LOC400499: variants seen among roughly 807,000 people sequenced by gnomAD.
the LOC400499 span, among the ~76,000 whole-genome samples, chr16:11,422,649 C>A: frequency 6.6e-6 from 1 of 152,090 alleles, no homozygotes; most frequent in African/African-American, 2.4e-5. Flanking sequence ...CATGTCAGGC[C>A]CCGTCTCAAA....
chr16:11,388,917 T>G, the LOC400499 span, among the ~76,000 whole-genome samples: 1 of 152,088 alleles, frequency 6.6e-6, no homozygotes, highest in Non-Finnish European at 1.5e-5. Flanking sequence ...TGAAACCCCG[T>G]CTCTACTAAA....
chr16:11,439,605 G>A, the LOC400499 span: 8 of 399,018 alleles, frequency 2.0e-5, no homozygotes, highest in Admixed American at 2.2e-4. Flanking sequence ...AGTTGAAGAG[G>A]GGTCAGAGGG....
At chr16:11,518,239 G>C in the LOC400499 span, among the ~76,000 whole-genome samples, 16 of 152,332 alleles carry the variant, frequency 1.1e-4, 1 homozygote, top group African/African-American at 3.8e-4. Flanking sequence ...CCTAGACAAA[G>C]GCTTTCTTTC....
At chr16:11,461,218 T>C in the LOC400499 span, 8 of 1,402,378 alleles carry the variant, frequency 5.7e-6, no homozygotes, top group Admixed American at 2.7e-5. Context: ...CCGAGGGGCC[T>C]TGGGGTTGGG....
At chr16:11,393,507 G>A in the LOC400499 span, 8 of 1,232,212 alleles carry the variant, frequency 6.5e-6, no homozygotes, top group Admixed American at 4.2e-5. Flanking sequence ...TTGAGAAGTC[G>A]AGGTGGAGAC....
chr16:11,424,920 G>A, the LOC400499 span, among the ~76,000 whole-genome samples: 4 of 152,196 alleles, frequency 2.6e-5, no homozygotes, highest in African/African-American at 9.6e-5. Context: ...TGTCAATACG[G>A]TAACAACTGG....
At chr16:11,481,781 C>T in the LOC400499 span, among the ~76,000 whole-genome samples, 10 of 152,044 alleles carry the variant, frequency 6.6e-5, no homozygotes, top group African/African-American at 2.2e-4. Flanking sequence ...TACAGGTGCA[C>T]ACCACCATGC....
At chr16:11,396,550 G>T in the LOC400499 span, 9 of 1,232,098 alleles carry the variant, frequency 7.3e-6, no homozygotes, top group Admixed American at 4.2e-5. Context: ...GAGGCCTGCT[G>T]TGGTTTTGGA....
the LOC400499 span, among the ~76,000 whole-genome samples, chr16:11,414,844 C>T: frequency 6.6e-6 from 1 of 152,232 alleles, no homozygotes; most frequent in Non-Finnish European, 1.5e-5. Context: ...CATCCTCCAT[C>T]CCATCTCCCT....
chr16:11,452,040 T>C, the LOC400499 span, among the ~76,000 whole-genome samples: 10 of 152,146 alleles, frequency 6.6e-5, no homozygotes. Context: ...CCCACCTATG[T>C]ATAGCGCCTC....
chr16:11,520,020 A>G, the LOC400499 span, among the ~76,000 whole-genome samples: 114 of 152,234 alleles, frequency 7.5e-4, 1 homozygote, highest in African/African-American at 2.7e-3. Context: ...GTCCACTTAT[A>G]TGAGGTACCT....
chr16:11,450,716 T>C, the LOC400499 span: 4 of 1,536,160 alleles, frequency 2.6e-6, no homozygotes, highest in Non-Finnish European at 3.5e-6. Flanking sequence ...GTCCAGGCCT[T>C]GCCCAGCGTT....
chr16:11,520,393 A>C, the LOC400499 span, among the ~76,000 whole-genome samples: 1 of 152,240 alleles, frequency 6.6e-6, no homozygotes, highest in Non-Finnish European at 1.5e-5. Context: ...ATAGTGGCTC[A>C]CGCCTGTAAT....
At chr16:11,503,366 G>C in the LOC400499 span, among the ~76,000 whole-genome samples, 4 of 152,164 alleles carry the variant, frequency 2.6e-5, no homozygotes, top group African/African-American at 9.7e-5. Flanking sequence ...GAGATGTTTA[G>C]TTTGGAAAAC....
the LOC400499 span, among the ~76,000 whole-genome samples, chr16:11,513,643 C>T: frequency 1.3e-5 from 2 of 151,940 alleles, no homozygotes; most frequent in Non-Finnish European, 2.9e-5. Flanking sequence ...GTTGGCCAGG[C>T]TGGTCTCGAA....
chr16:11,496,648 A>G, the LOC400499 span, among the ~76,000 whole-genome samples: 1 of 151,970 alleles, frequency 6.6e-6, no homozygotes, highest in African/African-American at 2.4e-5. Context: ...GGATGTGTGC[A>G]TGTGCCCATG....
the LOC400499 span, chr16:11,372,072 C>G: frequency 1.3e-5 from 2 of 152,318 alleles, no homozygotes; most frequent in Middle Eastern, 3.4e-3. Flanking sequence ...GTTACATTCC[C>G]AAAAGAAAGT....
chr16:11,462,378 C>G, the LOC400499 span: 1 of 1,396,416 alleles, frequency 7.2e-7, no homozygotes. Context: ...GAACTGGGAC[C>G]AGACAGGGCA....
At chr16:11,442,934 G>A in the LOC400499 span, among the ~76,000 whole-genome samples, 671 of 152,186 alleles carry the variant, frequency 4.4e-3, 4 homozygotes, top group African/African-American at 0.016. Flanking sequence ...ACGCAGCCTC[G>A]TTTAACTAAT....
Sources: allele counts gnomAD v4.1 joint callset (sites outside exome capture counted in the v4.1 genomes callset), GRCh38; gene constraint gnomAD v4.1.1; transcripts MANE v1.5.